Variants in FMR1 observed in about 807,000 individuals in gnomAD.
The protein encoded by FMR1 is fragile X messenger ribonucleoprotein 1.
FMR1 carries 13 observed loss-of-function variants against 50.6 expected under a neutral mutation model. The observed-to-expected ratio is 0.26, with a 90% confidence interval of 0.17 to 0.41. The LOEUF is 0.41. Ranked by LOEUF, FMR1 falls within the 10% of genes least tolerant of loss-of-function variation. The probability of loss-of-function intolerance (pLI) is 1.00; values close to 1 mark genes in which losing one functional copy is unlikely to be tolerated. For synonymous variants in FMR1, 138 were observed against 164.1 expected (o/e 0.84, Z 1.22); for missense variants, 316 against 491.3 (o/e 0.64, Z 3.37).
At chrX:147,932,287 C>T (rs1266672371) in intron 7 of FMR1, 138 bp from the exon 8 acceptor site, 1 of 540,203 alleles carries the variant, frequency 1.9e-6, no homozygotes, top group Non-Finnish European at 3.1e-6. Flanking sequence ...TTTCTAAAAC[C>T]TGTTAGTTTT....
rs1569546208 is a variant in FMR1, at chrX:147,950,286, A to G, written c.*1442A>G. On this transcript the variant is annotated 3_prime_UTR_variant, in exon 17 of 17. Transcript: ENST00000370475. ...TTACAGTTACTTTTCCTTGCATACA[A>G]ACAAGCATATAAAATGGCAACAAAC... is the stretch of plus-strand genomic sequence containing the variant. 2 of 329,714 alleles carry G rather than the reference A, an allele frequency of 6.1e-6. No individual in the cohort carries two copies. The highest frequency in any genetic ancestry group is 1.2e-5 in the Non-Finnish European group (2 of 169,917). The allele number at this position is 329,714 out of a possible 1,213,427, so 27.2% of individuals were successfully genotyped here.
intron 7 of FMR1, among the ~76,000 whole-genome samples, chrX:147,930,569 T>A (rs1285679282): frequency 8.9e-6 from 1 of 111,792 alleles, no homozygotes; most frequent in East Asian, 2.8e-4. Flanking sequence ...TATTTAAATA[T>A]CTAATCATAT....
intron 14 of FMR1, chrX:147,944,151 A>G: frequency 1.3e-6 from 1 of 753,864 alleles, no homozygotes; most frequent in South Asian, 6.7e-5. Flanking sequence ...CCCCTCTCCC[A>G]ACAGTCTGTT....
chrX:147,940,010 C>A (rs2043931599), intron 12 of FMR1: 1 of 101,748 alleles, frequency 9.8e-6, no homozygotes, highest in African/African-American at 3.6e-5. Context: ...AAAAACAAAA[C>A]ATTAGCCGGG....
intron 14 of FMR1, 104 bp downstream of exon 14, chrX:147,943,430 TG>T: frequency 1.4e-6 from 1 of 736,033 alleles, no homozygotes; most frequent in Non-Finnish European, 2.1e-6. Context: ...TGCCGCTACA[TG>T]GTTTCCAATT....
At chrX:147,912,979 A>G (rs1391268752) in intron 1 of FMR1, 2 of 271,311 alleles carry the variant, frequency 7.4e-6, no homozygotes, top group African/African-American at 2.8e-5. Context: ...AGGAATGCAC[A>G]TGCTTCAGCG....
At chrX:147,933,529 A>G in intron 9 of FMR1, 1 of 914,357 alleles carries the variant, frequency 1.1e-6, no homozygotes, top group Non-Finnish European at 1.4e-6. Context: ...GTGTTTTATC[A>G]CCATCACCAT....
At position 147,945,055 on chromosome X, in the gene FMR1, T is replaced by C. The variant is rs2044127800; in HGVS notation, c.1654+4T>C. ...GGACGTGGAGGAGGCTTCAAAGGTATGGAGATCTTCATTAAGAAATCAAAG... is the reference window on the plus strand; with the variant it reads ...GGACGTGGAGGAGGCTTCAAAGGTACGGAGATCTTCATTAAGAAATCAAAG... On this transcript the variant is annotated splice_donor_region_variant and intron_variant, in intron 15 of 16. Coordinates refer to ENST00000370475, the MANE Select transcript of FMR1 (RefSeq NM_002024.6). 8.5e-7 allele frequency: 1 copy of C among 1,172,722 alleles called. No homozygotes were observed. The highest frequency in any genetic ancestry group is 1.1e-6 in the Non-Finnish European group (1 of 874,846).
At chrX:147,944,174 G>A (rs2044097665) in intron 14 of FMR1, 1 of 751,986 alleles carries the variant, frequency 1.3e-6, no homozygotes, top group African/African-American at 2.3e-5. Context: ...TTTTACTCAT[G>A]AATTTCTGCC....
intron 1 of FMR1, among the ~76,000 whole-genome samples, chrX:147,920,086 A>G (rs782539753): frequency 1.6e-4 from 18 of 112,255 alleles, no homozygotes; most frequent in African/African-American, 5.8e-4. Context: ...TGGATATCAA[A>G]CATTCAGCGT....
intron 2 of FMR1, among the ~76,000 whole-genome samples, chrX:147,922,366 T>G (rs2124474305): frequency 8.9e-6 from 1 of 112,217 alleles, no homozygotes; most frequent in African/African-American, 3.2e-5. Flanking sequence ...ACATTAAATC[T>G]AAAACTGATG....
Position 147,937,547 on chromosome X carries a change from A to G in FMR1, c.1072A>G (p.Ile358Val), listed in dbSNP as rs1258954105. 4 of 1,180,397 alleles carry G rather than the reference A, an allele frequency of 3.4e-6. No individual in the cohort carries two copies. Among genetic ancestry groups the G allele is most frequent in the Non-Finnish European group, 4.6e-6 (4 of 867,112 alleles). The change falls in exon 11 of 17, where the codon ATA (isoleucine) becomes GTA (valine). Residue 358 changes from isoleucine (I) to valine (V), a missense_variant. By Grantham distance (29) the Ile-to-Val change is conservative (BLOSUM62 3). Coordinates refer to ENST00000370475, the MANE Select transcript of FMR1 (RefSeq NM_002024.6). Reference sequence around the variant, plus strand: ...CCCAGAAGAAAAAAAACATTTAGATATAAAGGAAAACAGCACCCATTTTTC... The same window carrying G: ...CCCAGAAGAAAAAAAACATTTAGATGTAAAGGAAAACAGCACCCATTTTTC... ...NAPEEKKHLD[I>V]KENSTHFSQP... is the part of the protein sequence containing the mutation.
At position 147,928,826 on chromosome X, in the gene FMR1, A is replaced by C. The variant is rs1386624432; in HGVS notation, c.419+19A>C. 1.7e-5 allele frequency: 20 copies of C among 1,200,659 alleles called. No homozygotes were observed. Among genetic ancestry groups the C allele is most frequent in the Non-Finnish European group, 2.3e-5 (20 of 886,902 alleles). The stretch of plus-strand genomic sequence containing the variant: ...GGCAAATGTAAGTTGATACACAAGA[A>C]ATGCTGAGAACTTGGAAGTGATATG... On this transcript the variant is annotated intron_variant, in intron 5 of 16. Coordinates refer to ENST00000370475, the MANE Select transcript of FMR1 (RefSeq NM_002024.6).
chrX:147,944,815 CTT>C lies in FMR1; in HGVS notation c.1472-41_1472-40del, dbSNP rs1557181565. On this transcript the variant is annotated intron_variant, in intron 14 of 16. Coordinates refer to ENST00000370475, the MANE Select transcript of FMR1 (RefSeq NM_002024.6). ...GTCTCTGGAAGCTTCTGTTAACCCT[CTT>C]TTTTTTTTTTTTAAAGTCAGACAAT... 1.3e-3 allele frequency: 1,281 copies of C among 1,017,896 alleles called. 1 individual carries two copies. The highest frequency in any genetic ancestry group is 4.0e-3 in the Admixed American group (133 of 32,888). 83.9% of individuals were successfully genotyped at this position (1,017,896 alleles called of 1,213,427 possible).
chrX:147,916,454 A>G lies in FMR1; in HGVS notation c.51+4224A>G, dbSNP rs2042867966. Among the ~76,000 whole-genome samples the G allele has an allele frequency of 4.5e-5, 5 of 111,100 alleles. No homozygotes were observed. In the South Asian group the frequency reaches 1.9e-3, roughly 43 times the overall value. ...GGGCGGGGGGAGTGGGGACAAAATG[A>G]TAACTTGCTTTATATATGAAGCCTT... On this transcript the variant is annotated intron_variant, in intron 1 of 16. Coordinates refer to ENST00000370475, the MANE Select transcript of FMR1 (RefSeq NM_002024.6).
chrX:147,923,569 T>G lies in FMR1; in HGVS notation c.104+1584T>G, dbSNP rs1363403965. Reference sequence around the variant, plus strand: ...CTCATTTCCTCTATGCATTTAAGAATTTGTCTAGTTTATACATTGATTTAT... The same window carrying G: ...CTCATTTCCTCTATGCATTTAAGAAGTTGTCTAGTTTATACATTGATTTAT... On this transcript the variant is annotated intron_variant, in intron 2 of 16. Transcript: ENST00000370475. Among the ~76,000 whole-genome samples, 3 of 112,116 alleles carry G rather than the reference T, an allele frequency of 2.7e-5. 1 individual carries two copies. In the East Asian group the frequency reaches 8.3e-4, roughly 31 times the overall value.
rs1557178104 is a variant in FMR1, at chrX:147,928,936, ATGGTTTG to A, written c.419+130_419+136del. On this transcript the variant is annotated intron_variant, in intron 5 of 16. Coordinates refer to ENST00000370475, the MANE Select transcript of FMR1 (RefSeq NM_002024.6). ...TTAAATTTGGTGGACTTTGGCAAAA[ATGGTTTG>A]GTTTGCAAGAGCAATGGAGAAAAAA... 6.9e-6 allele frequency: 5 copies of A among 726,441 alleles called. No individual in the cohort carries two copies. The African/African-American group carries it at 8.7e-5, about 13-fold the overall frequency. The allele number at this position is 726,441 out of a possible 1,213,427, so 59.9% of individuals were successfully genotyped here. A position where few individuals can be genotyped will look rare whatever the true frequency, so the allele number is the denominator to read the frequency against.
Position 147,911,947 on chromosome X carries a change from T to C in FMR1, c.-233T>C, listed in dbSNP as rs1931567980. On this transcript the variant is annotated 5_prime_UTR_variant, in exon 1 of 17. Coordinates refer to ENST00000370475, the MANE Select transcript of FMR1 (RefSeq NM_002024.6). ...AGTCAGGCGCTCAGCTCCGTTTCGG[T>C]TTCACTTCCGGTGGAGGGCCGCCTC... 1 of 109,982 alleles carries C rather than the reference T, an allele frequency of 9.1e-6. No homozygotes were observed. Among genetic ancestry groups the C allele is most frequent in the Non-Finnish European group, 1.9e-5 (1 of 52,122 alleles). The allele number at this position is 109,982 out of a possible 1,213,427, so 9.1% of individuals were successfully genotyped here.
At chrX:147,940,697 T>C in intron 13 of FMR1, 35 bp downstream of exon 13, 1 of 945,387 alleles carries the variant, frequency 1.1e-6, no homozygotes, top group South Asian at 1.9e-5. Flanking sequence ...TCTAATCCTT[T>C]TGTACTAAAA....
Sources: allele counts gnomAD v4.1 joint callset (sites outside exome capture counted in the v4.1 genomes callset), GRCh38; gene constraint gnomAD v4.1.1; transcripts MANE v1.5; gene names NCBI Gene and HGNC (gene_info 2026-07-23, HGNC 2026-07-21).